CPNE4: variants seen among roughly 807,000 people sequenced by gnomAD.
CPNE4 encodes copine 4.
A neutral mutation model predicts 67.9 loss-of-function variants in CPNE4; 25 were observed. The ratio of observed to expected loss-of-function variants is 0.37; its 90% CI spans 0.27 to 0.51. The LOEUF (loss-of-function observed/expected upper bound fraction) is 0.51, where lower values mean the gene tolerates loss of function less well. Among genes scored for constraint, CPNE4 ranks in the 20% least tolerant of loss-of-function variants. The pLI, the probability that CPNE4 is intolerant of heterozygous loss-of-function variation, is 0.93. For synonymous variants in CPNE4, 242 were observed against 244.9 expected (o/e 0.99, Z 0.11); for missense variants, 464 against 690.8 (o/e 0.67, Z 3.68).
intron 1 of CPNE4, among the ~76,000 whole-genome samples, chr3:131,969,771 G>T (rs2072454848): frequency 6.6e-6 from 1 of 152,104 alleles, no homozygotes; most frequent in Non-Finnish European, 1.5e-5. Context: ...ACATGTATAT[G>T]CTTGGTGAGC....
At chr3:131,893,341 C>A (rs1427029986) in intron 2 of CPNE4, among the ~76,000 whole-genome samples, 1 of 151,862 alleles carries the variant, frequency 6.6e-6, no homozygotes, top group Non-Finnish European at 1.5e-5. Context: ...ATTATTAGAC[C>A]TAAAAGGAGA....
rs1278793216 is a variant in CPNE4, at chr3:131,758,369, C to T, written c.181-34744G>A. 3.3e-5 allele frequency among the ~76,000 whole-genome samples: 5 copies of T among 152,274 alleles called. No homozygotes were observed. In the East Asian group the frequency reaches 9.6e-4, roughly 29 times the overall value. On this transcript the variant is annotated intron_variant, in intron 2 of 15. Coordinates refer to ENST00000429747, the MANE Select transcript of CPNE4 (RefSeq NM_130808.3). The stretch of plus-strand genomic sequence containing the variant: ...ATTGTGGAGCTTTAAAAATTGACTG[C>T]CCTACTGGTTTTTAGACTTGCATGG...
At chr3:131,959,931 C>T (rs185043052) in intron 1 of CPNE4, among the ~76,000 whole-genome samples, 2 of 152,252 alleles carry the variant, frequency 1.3e-5, no homozygotes, top group African/African-American at 4.8e-5. Flanking sequence ...CATCTGAATA[C>T]TAAAACGCTA....
intron 14 of CPNE4, among the ~76,000 whole-genome samples, chr3:131,546,545 G>C (rs1935849312): frequency 1.3e-5 from 2 of 152,266 alleles, no homozygotes; most frequent in Middle Eastern, 6.8e-3. Flanking sequence ...AGAAACCTCT[G>C]GGGAAAAGCT....
chr3:131,544,799 A>ACTT (rs780880764), intron 14 of CPNE4, among the ~76,000 whole-genome samples: 1 of 152,118 alleles, frequency 6.6e-6, no homozygotes, highest in Non-Finnish European at 1.5e-5. Context: ...AAAAGAGATT[A>ACTT]CTTCTGATTC....
chr3:131,661,556 C>T (rs1236965914), intron 7 of CPNE4, among the ~76,000 whole-genome samples: 2 of 152,134 alleles, frequency 1.3e-5, no homozygotes, highest in African/African-American at 4.8e-5. Context: ...TAAGTGGACT[C>T]AAGAATTCCT....
intron 5 of CPNE4, among the ~76,000 whole-genome samples, chr3:131,688,632 C>T (rs1202221909): frequency 1.3e-5 from 2 of 152,104 alleles, no homozygotes; most frequent in Non-Finnish European, 1.5e-5. Context: ...TTTTATGATT[C>T]ATACTTAAAA....
chr3:131,619,083 A>G (rs1312298997), intron 7 of CPNE4, among the ~76,000 whole-genome samples: 1 of 152,122 alleles, frequency 6.6e-6, no homozygotes, highest in Non-Finnish European at 1.5e-5. Flanking sequence ...CAAGGGAGCA[A>G]TTGTTGGGGA....
rs879796243 is a variant in CPNE4, at chr3:131,633,660, A to G, written c.681+36015T>C. ...AGATAAGTATTAGAATTTGTGTGAT[A>G]TGGCTAAAAGTGAGCCATCAATGAA... is the stretch of plus-strand genomic sequence containing the variant. On this transcript the variant is annotated intron_variant, in intron 7 of 15. Coordinates refer to ENST00000429747, the MANE Select transcript of CPNE4 (RefSeq NM_130808.3). Among the ~76,000 whole-genome samples, 8 of 152,316 alleles carry G rather than the reference A, an allele frequency of 5.3e-5. No individual in the cohort carries two copies. The East Asian group carries it at 1.5e-3, about 29-fold the overall frequency.
intron 11 of CPNE4, among the ~76,000 whole-genome samples, chr3:131,558,025 G>T (rs959032887): frequency 6.6e-6 from 1 of 151,860 alleles, no homozygotes; most frequent in African/African-American, 2.4e-5. Flanking sequence ...GTGTTCTAGC[G>T]TTAATGATAT....
intron 2 of CPNE4, among the ~76,000 whole-genome samples, chr3:131,871,332 C>T (rs1353377763): frequency 6.6e-6 from 1 of 151,910 alleles, no homozygotes; most frequent in Non-Finnish European, 1.5e-5. Flanking sequence ...AGAAGAGTTG[C>T]TGGAAATTGA....
intron 2 of CPNE4, among the ~76,000 whole-genome samples, chr3:131,817,425 T>A (rs2084787485): frequency 6.6e-6 from 1 of 152,164 alleles, no homozygotes; most frequent in South Asian, 2.1e-4. Flanking sequence ...AGGAAGTCTA[T>A]GTGGCTCAAA....
At chr3:131,891,451 A>T (rs2088110246) in intron 2 of CPNE4, among the ~76,000 whole-genome samples, 2 of 151,954 alleles carry the variant, frequency 1.3e-5, no homozygotes, top group Admixed American at 6.6e-5. Context: ...GTTCAGGGGT[A>T]CACATGCAGG....
At position 131,542,736 on chromosome 3, in the gene CPNE4, G is replaced by A. The variant is rs758874490; in HGVS notation, c.1360C>T (p.Arg454Trp). The A allele has an allele frequency of 2.5e-6, 4 of 1,613,962 alleles. No homozygotes were observed. Among genetic ancestry groups the A allele is most frequent in the South Asian group, 1.1e-5 (1 of 91,068 alleles). Reference sequence around the variant, plus strand: ...TGGGAGGCATGGACAATGGCCTCCCGGGTGTCGGCCATGTCTGTGATAACA... The same window carrying A: ...TGGGAGGCATGGACAATGGCCTCCCAGGTGTCGGCCATGTCTGTGATAACA... ...DGVITDMADT[R>W]EAIVHASHLP... The change falls in exon 15 of 16, where the codon CGG becomes TGG. Residue 454 changes from arginine (R) to tryptophan (W), a missense_variant. Physicochemically the swap from Arg to Trp is moderately radical, Grantham distance 101 (BLOSUM62 -3). This residue lies in a region of CPNE4 where 201 missense variants were observed against 357.7 expected (regional missense o/e 0.56). Transcript: ENST00000429747.
chr3:131,793,862 GC>G (rs1409807110), intron 2 of CPNE4, among the ~76,000 whole-genome samples: 2 of 152,182 alleles, frequency 1.3e-5, no homozygotes, highest in African/African-American at 4.8e-5. Context: ...GTTACTCCTT[GC>G]ATTCTCCAGT....
chr3:131,948,770 T>C (rs2071634416), intron 1 of CPNE4, among the ~76,000 whole-genome samples: 1 of 152,320 alleles, frequency 6.6e-6, no homozygotes, highest in African/African-American at 2.4e-5. Flanking sequence ...AGCAGCTCAA[T>C]AAGTGTTTAT....
intron 11 of CPNE4, among the ~76,000 whole-genome samples, chr3:131,560,378 G>C (rs1487612327): frequency 6.6e-6 from 1 of 152,000 alleles, no homozygotes; most frequent in Non-Finnish European, 1.5e-5. Context: ...CCTCATAGAA[G>C]GCTTGTCTGG....
intron 7 of CPNE4, among the ~76,000 whole-genome samples, chr3:131,622,018 C>CAAA (rs34415771): frequency 3.5e-4 from 20 of 57,968 alleles, no homozygotes; most frequent in African/African-American, 6.4e-4. Context: ...GACCCTGTCT[C>CAAA]AAAAAAAAAA....
At chr3:131,588,422 C>A (rs528104961) in intron 7 of CPNE4, among the ~76,000 whole-genome samples, 1 of 152,210 alleles carries the variant, frequency 6.6e-6, no homozygotes, top group Non-Finnish European at 1.5e-5. Flanking sequence ...ACATCTTAAG[C>A]CAAAGATTTG....
Sources: gnomAD v4.1 joint callset for allele counts (sites outside exome capture counted in the v4.1 genomes callset) on GRCh38, gnomAD v4.1.1 for gene constraint, gnomAD v4.1.1 regional missense constraint, MANE v1.5 for transcripts, NCBI Gene and HGNC (gene_info 2026-07-23, HGNC 2026-07-21) for gene names.